BBS9: variants seen among roughly 807,000 people sequenced by gnomAD.
BBS9 encodes the protein protein PTHB1.
BBS9 carries 89 observed loss-of-function variants against 117.7 expected under a neutral mutation model. The observed-to-expected ratio is 0.76, with a 90% confidence interval of 0.64 to 0.90. BBS9 has a LOEUF of 0.90. Among genes scored for constraint, BBS9 ranks in the 40% least tolerant of loss-of-function variants. BBS9 has a pLI of 0.00. For synonymous variants in BBS9, 379 were observed against 370.9 expected (o/e 1.02, Z -0.25); for missense variants, 982 against 1,042.2 (o/e 0.94, Z 0.80).
At chr7:33,129,369 A>T (rs1789228942), upstream of BBS9, 2 of 444,178 alleles carry the variant, frequency 4.5e-6, no homozygotes, top group Non-Finnish European at 4.0e-6. Context: ...AGAGGATTGC[A>T]GTAATTATCA....
At chr7:33,348,919 A>G (rs553419101) in intron 12 of BBS9, 149 bp from the exon 13 acceptor site, 14 of 609,122 alleles carry the variant, frequency 2.3e-5, no homozygotes, top group Non-Finnish European at 3.9e-5. Context: ...ATTTTAATCT[A>G]TTACTTACTG....
intron 20 of BBS9, among the ~76,000 whole-genome samples, chr7:33,516,778 G>T (rs750062119): frequency 1.3e-5 from 2 of 152,094 alleles, no homozygotes; most frequent in African/African-American, 4.8e-5. Context: ...AGTCTCTATT[G>T]GTATCATTTT....
intron 17 of BBS9, among the ~76,000 whole-genome samples, chr7:33,379,301 C>T (rs183928527): frequency 1.4e-4 from 22 of 152,166 alleles, no homozygotes; most frequent in East Asian, 3.9e-4. Flanking sequence ...GTTCTTTAAA[C>T]GTGTGATAAT....
chr7:33,263,485 A>G (rs542408530), intron 6 of BBS9, among the ~76,000 whole-genome samples: 22 of 152,302 alleles, frequency 1.4e-4, no homozygotes, highest in African/African-American at 5.3e-4. Context: ...AGAAATTTCA[A>G]CTTTATTAGA....
chr7:33,165,349 G>C (rs1164366444), intron 4 of BBS9, among the ~76,000 whole-genome samples: 1 of 152,080 alleles, frequency 6.6e-6, no homozygotes, highest in Admixed American at 6.6e-5. Context: ...GGCATTATCT[G>C]TATTTCCTGA....
intron 5 of BBS9, among the ~76,000 whole-genome samples, chr7:33,199,662 C>T (rs1785517346): frequency 2.6e-5 from 4 of 151,314 alleles, no homozygotes; most frequent in Admixed American, 2.0e-4. Flanking sequence ...AATGATTATA[C>T]ACCACACACA....
Position 33,257,393 on chromosome 7 carries a change from A to G in BBS9, c.600A>G (p.Gln200=), listed in dbSNP as rs764060515. The stretch of plus-strand genomic sequence containing the variant: ...CCTTCCTTACTGTCTCTTCCTGCCA[A>G]CAAGTGGAAAGTTATAAGTAAGTTT... ...TDSFLTVSSC[Q]QVESYKYQVL... Residue 200 remains glutamine, a synonymous_variant, in exon 6 of 23, where the codon CAA becomes CAG. Transcript: ENST00000242067. 41 of 1,613,706 alleles carry G rather than the reference A, an allele frequency of 2.5e-5. No homozygotes were observed. The Admixed American group carries it at 3.0e-4, about 12-fold the overall frequency.
At chr7:33,428,914 T>A (rs1159976723) in intron 19 of BBS9, among the ~76,000 whole-genome samples, 4 of 152,184 alleles carry the variant, frequency 2.6e-5, no homozygotes, top group African/African-American at 9.6e-5. Context: ...ATACATTTTG[T>A]GCATTTTTCC....
chr7:33,223,231 G>C (rs1044925576), intron 5 of BBS9, among the ~76,000 whole-genome samples: 2 of 151,854 alleles, frequency 1.3e-5, no homozygotes, highest in African/African-American at 4.8e-5. Context: ...ATTGATATAT[G>C]TATACATTGT....
At chr7:33,468,851 G>GA (rs1329274468) in intron 19 of BBS9, among the ~76,000 whole-genome samples, 1 of 152,094 alleles carries the variant, frequency 6.6e-6, no homozygotes, top group Non-Finnish European at 1.5e-5. Context: ...TCTTTTTTGT[G>GA]ACTGAATAGT....
intron 19 of BBS9, among the ~76,000 whole-genome samples, chr7:33,431,874 G>A (rs2128878865): frequency 6.6e-6 from 1 of 152,220 alleles, no homozygotes; most frequent in Middle Eastern, 3.4e-3. Flanking sequence ...TTGTAACTGG[G>A]CATCTTTTTA....
intron 5 of BBS9, among the ~76,000 whole-genome samples, chr7:33,233,336 A>T (rs1019300): frequency 0.82 from 125,436 of 152,102 alleles, 51,748 homozygotes; most frequent in Admixed American, 0.86. Context: ...AAAATGTCAC[A>T]AGGTCACAAA....
At chr7:33,375,418 G>T (rs1373323384) in intron 17 of BBS9, among the ~76,000 whole-genome samples, 9 of 151,918 alleles carry the variant, frequency 5.9e-5, no homozygotes, top group Non-Finnish European at 1.2e-4. Context: ...AGTCTCCAGG[G>T]ATAGTATTAA....
chr7:33,160,676 T>G (rs1054582868), intron 4 of BBS9, among the ~76,000 whole-genome samples: 1 of 152,192 alleles, frequency 6.6e-6, no homozygotes, highest in African/African-American at 2.4e-5. Context: ...GGGTGTACAG[T>G]TCCAAGAGTG....
rs1409960524 is a variant in BBS9 at position 33,180,304 on chromosome 7, C to G, written c.442+2713C>G. Among the ~76,000 whole-genome samples, 3 of 152,198 alleles carry G rather than the reference C, an allele frequency of 2.0e-5. No individual in the cohort carries two copies. In the East Asian group the frequency reaches 5.8e-4, roughly 29 times the overall value. ...CCTCCCTTGTTCAGGTGTACTCTCA[C>G]CATTGCTCCATCTGCAAGTTGCACC... On this transcript the variant is annotated intron_variant, in intron 5 of 22. Transcript: ENST00000242067.
intron 5 of BBS9, among the ~76,000 whole-genome samples, chr7:33,234,341 T>C (rs1583787284): frequency 6.6e-6 from 1 of 152,042 alleles, no homozygotes; most frequent in Non-Finnish European, 1.5e-5. Context: ...GCTATTGAGG[T>C]ATAGTTGACA....
intron 18 of BBS9, among the ~76,000 whole-genome samples, chr7:33,384,531 G>C (rs796788341): frequency 6.6e-6 from 1 of 152,124 alleles, no homozygotes; most frequent in South Asian, 2.1e-4. Context: ...GACAGTCATA[G>C]TTTTTTTAAA....
intron 20 of BBS9, among the ~76,000 whole-genome samples, chr7:33,507,917 A>G (rs1016191147): frequency 1.3e-5 from 2 of 152,212 alleles, no homozygotes; most frequent in African/African-American, 2.4e-5. Context: ...CTGACTTGTC[A>G]TGGCGTTTTT....
Position 33,604,782 on chromosome 7 carries a change from T to C in BBS9, c.2522-83T>C, listed in dbSNP as rs1293583406. 4 of 887,932 alleles carry C rather than the reference T, an allele frequency of 4.5e-6. No individual in the cohort carries two copies. The East Asian group carries it at 1.0e-4, about 23-fold the overall frequency. 55.0% of individuals were successfully genotyped at this position (887,932 alleles called of 1,614,324 possible). Reference sequence around the variant, plus strand: ...CGTCATTTATTATCTTTATGATCAGTGTGTTCCTAAGCTATGATTGCTGTG... The same window carrying C: ...CGTCATTTATTATCTTTATGATCAGCGTGTTCCTAAGCTATGATTGCTGTG... On this transcript the variant is annotated intron_variant, in intron 21 of 22. Transcript: ENST00000242067.
Sources: gnomAD v4.1 joint callset for allele counts (sites outside exome capture counted in the v4.1 genomes callset) on GRCh38, gnomAD v4.1.1 for gene constraint, MANE v1.5 for transcripts, NCBI Gene and HGNC (gene_info 2026-07-23, HGNC 2026-07-21) for gene names.